CDK5RAP2: variants seen among roughly 807,000 people sequenced by gnomAD.
The protein encoded by CDK5RAP2 is CDK5 regulatory subunit-associated protein 2.
Under a neutral mutation model 232.9 loss-of-function variants are expected in CDK5RAP2, and 147 were observed. The observed-to-expected ratio is 0.63, with a 90% CI of 0.55 to 0.72. The LOEUF (loss-of-function observed/expected upper bound fraction) is 0.72. Among genes scored for constraint, CDK5RAP2 ranks in the 30% least tolerant of loss-of-function variants. CDK5RAP2 has a pLI of 0.00. For synonymous variants in CDK5RAP2, 833 were observed against 833.7 expected (o/e 1.00, Z 0.01); for missense variants, 2,195 against 2,231.5 (o/e 0.98, Z 0.33).
intron 20 of CDK5RAP2, among the ~76,000 whole-genome samples, chr9:120,455,395 G>C (rs1006146711): frequency 1.3e-5 from 2 of 148,946 alleles, no homozygotes; most frequent in Non-Finnish European, 3.0e-5. Context: ...AAAAAACGAA[G>C]GCCACTGAAA....
chr9:120,438,415 C>T (rs1386694798), intron 24 of CDK5RAP2, among the ~76,000 whole-genome samples: 1 of 152,082 alleles, frequency 6.6e-6, no homozygotes, highest in Non-Finnish European at 1.5e-5. Context: ...TTACATGATA[C>T]CAGCATTAAA....
At chr9:120,409,003 T>C in intron 30 of CDK5RAP2, 124 bp downstream of exon 30, 2 of 857,684 alleles carry the variant, frequency 2.3e-6, no homozygotes, top group South Asian at 1.4e-5. Flanking sequence ...ACGTACAATG[T>C]GTTTGTGTCT....
chr9:120,503,037 CA>C (rs1269617285), intron 12 of CDK5RAP2, among the ~76,000 whole-genome samples: 2 of 152,160 alleles, frequency 1.3e-5, no homozygotes, highest in African/African-American at 4.8e-5. Context: ...CAAAGCTTTA[CA>C]AAAGCTCTAG....
Position 120,403,152 on chromosome 9 carries a change from A to G in CDK5RAP2, c.5042-81T>C. 6.7e-7 allele frequency: 1 copy of G among 1,493,034 alleles called. No homozygotes were observed. The highest frequency in any genetic ancestry group is 9.3e-7 in the Non-Finnish European group (1 of 1,075,068). The allele number at this position is 1,493,034 out of a possible 1,614,324, so 92.5% of individuals were successfully genotyped here. ...GACGCTTATGATGTTGAAGCTAGCTAGGAGGGCTAGAAGAGGCCCTCGTGC... is the reference window on the plus strand; with the variant it reads ...GACGCTTATGATGTTGAAGCTAGCTGGGAGGGCTAGAAGAGGCCCTCGTGC... On this transcript the variant is annotated intron_variant, in intron 33 of 37. Coordinates refer to ENST00000349780, the MANE Select transcript of CDK5RAP2 (RefSeq NM_018249.6). The surrounding 1 kb of genome is among the most constrained non-coding windows in gnomAD (Gnocchi z 4.2).
intron 18 of CDK5RAP2, 124 bp downstream of exon 18, chr9:120,467,736 C>T (rs1375480159): frequency 2.0e-6 from 2 of 997,628 alleles, no homozygotes; most frequent in Non-Finnish European, 3.1e-6. Flanking sequence ...GCCTCAACGT[C>T]CTGGGCCCAA....
chr9:120,394,482 G>C (rs1442114995), intron 36 of CDK5RAP2, 30 bp downstream of exon 36: 2 of 1,613,722 alleles, frequency 1.2e-6, no homozygotes, highest in Non-Finnish European at 8.5e-7. Context: ...GAAGTGGTCA[G>C]GCATAGCGGC....
intron 15 of CDK5RAP2, among the ~76,000 whole-genome samples, chr9:120,476,605 G>A (rs942832503): frequency 1.3e-5 from 2 of 151,780 alleles, no homozygotes; most frequent in African/African-American, 2.4e-5. Flanking sequence ...CTTGAACCCG[G>A]GAGGCGGAGG....
intron 16 of CDK5RAP2, among the ~76,000 whole-genome samples, chr9:120,470,921 T>C (rs1346642682): frequency 1.3e-5 from 2 of 152,188 alleles, no homozygotes; most frequent in African/African-American, 4.8e-5. Context: ...TGCAGAATAC[T>C]GGAAAGAGCT....
chr9:120,575,441 T>C (rs1380131482), intron 1 of CDK5RAP2, among the ~76,000 whole-genome samples: 2 of 152,170 alleles, frequency 1.3e-5, no homozygotes, highest in Non-Finnish European at 2.9e-5. Context: ...GCTCTATTGC[T>C]ACCGAAAAGG....
intron 25 of CDK5RAP2, among the ~76,000 whole-genome samples, chr9:120,426,121 C>A (rs7853645): frequency 0.028 from 4,189 of 152,248 alleles, 70 homozygotes; most frequent in East Asian, 0.042. Flanking sequence ...GAGGAAAAAC[C>A]CTCCATTTTC....
At chr9:120,487,255 T>A in intron 14 of CDK5RAP2, 39 bp downstream of exon 14, 1 of 1,609,082 alleles carries the variant, frequency 6.2e-7, no homozygotes, top group African/African-American at 1.3e-5. Flanking sequence ...AGTGTATGAA[T>A]CCATTCGCAT....
intron 20 of CDK5RAP2, 122 bp downstream of exon 20, chr9:120,458,328 A>G (rs1226704744): frequency 6.4e-6 from 6 of 942,646 alleles, no homozygotes; most frequent in Non-Finnish European, 1.0e-5. Flanking sequence ...ATTCCTTCCA[A>G]GCCATTTCAG....
At chr9:120,467,760 C>T (rs1344543346) in intron 18 of CDK5RAP2, 100 bp downstream of exon 18, 3 of 1,318,218 alleles carry the variant, frequency 2.3e-6, no homozygotes, top group South Asian at 2.4e-5. Flanking sequence ...ATCCTCCCAC[C>T]TCAGCCTCCC....
intron 5 of CDK5RAP2, among the ~76,000 whole-genome samples, chr9:120,543,721 G>T (rs771322717): frequency 2.0e-5 from 3 of 152,160 alleles, no homozygotes; most frequent in Non-Finnish European, 4.4e-5. Context: ...AGCTGAGCAT[G>T]GCGGCACATG....
At chr9:120,512,318 C>T (rs990727253) in intron 12 of CDK5RAP2, among the ~76,000 whole-genome samples, 5 of 152,212 alleles carry the variant, frequency 3.3e-5, no homozygotes, top group African/African-American at 1.2e-4. Context: ...CACTACACAA[C>T]AGCCTGAGTG....
At chr9:120,450,024 C>T (rs2036400779) in intron 21 of CDK5RAP2, among the ~76,000 whole-genome samples, 1 of 152,082 alleles carries the variant, frequency 6.6e-6, no homozygotes, top group African/African-American at 2.4e-5. Flanking sequence ...GGTATATACT[C>T]AAGAGAAATA....
intron 6 of CDK5RAP2, 108 bp downstream of exon 6, chr9:120,538,933 T>C: frequency 8.6e-7 from 1 of 1,161,268 alleles, no homozygotes; most frequent in Non-Finnish European, 1.3e-6. Flanking sequence ...TAAGGGTAGC[T>C]GTTGTTTCTG....
At chr9:120,529,565 A>G (rs2041055936) in intron 8 of CDK5RAP2, among the ~76,000 whole-genome samples, 1 of 152,208 alleles carries the variant, frequency 6.6e-6, no homozygotes, top group Non-Finnish European at 1.5e-5. Context: ...GCCCGATACG[A>G]GTTAGTCCTC....
At position 120,439,747 on chromosome 9, in the gene CDK5RAP2, C is replaced by A. The variant is rs201397672; in HGVS notation, c.3374G>T (p.Gly1125Val). 2 of 1,614,154 alleles carry A rather than the reference C, an allele frequency of 1.2e-6. No individual in the cohort carries two copies. The highest frequency in any genetic ancestry group is 2.2e-5 in the South Asian group (2 of 91,076). Residue 1125 changes from glycine (G) to valine (V), a missense_variant, in exon 24 of 38, where the codon GGC becomes GTC. Gly to Val is a moderately radical substitution (Grantham distance 109). Transcript: ENST00000349780. ...KIHDLETELE[G>V]YQNFIFQLQK... ...AAGCTGAAATATGAAATTCTGGTAG[C>A]CTTCCAGCTCAGTTTCCAAGTCATG... is the stretch of plus-strand genomic sequence containing the variant.
Sources: allele counts gnomAD v4.1 joint callset (sites outside exome capture counted in the v4.1 genomes callset), GRCh38; gene constraint gnomAD v4.1.1; non-coding constraint Gnocchi (gnomAD v3.1); transcripts MANE v1.5; gene names NCBI Gene and HGNC (gene_info 2026-07-23, HGNC 2026-07-21).